The following ELN variants were observed in gnomAD, a reference collection of about 807,000 sequenced individuals.
ELN encodes elastin.
A neutral mutation model predicts 105.8 loss-of-function variants in ELN; 65 were observed. The ratio of observed to expected loss-of-function variants is 0.61; its 90% CI spans 0.50 to 0.75. The LOEUF (loss-of-function observed/expected upper bound fraction) is 0.75, where lower values mean the gene tolerates loss of function less well. ELN is among the 30% of genes least tolerant of loss of function. The pLI, the probability that ELN is intolerant of heterozygous loss-of-function variation, is 0.00. For synonymous variants in ELN, 368 were observed against 389.2 expected, an observed-to-expected ratio of 0.95 and a Z score of 0.64; for missense variants, 882 against 969.4, an observed-to-expected ratio of 0.91 and a Z score of 1.20.
In ELN at chr7:74,041,359, C is replaced by T. The variant is rs1433875639; in HGVS notation, c.232+108C>T. On this transcript the variant is annotated intron_variant, in intron 5 of 32. Transcript: ENST00000252034. ...TGGAACAAGGGTGCAGGCCAGGTTC[C>T]GTCCTGGGCACTGACGGGGACTGAT... 18 of 1,427,800 alleles carry T rather than the reference C, an allele frequency of 1.3e-5. No individual in the cohort carries two copies. The African/African-American group carries it at 2.1e-4, about 17-fold the overall frequency. 88.4% of individuals were successfully genotyped at this position (1,427,800 alleles called of 1,614,324 possible).
chr7:74,047,778 G>C, intron 13 of ELN, 62 bp downstream of exon 13: 2 of 1,611,572 alleles, frequency 1.2e-6, no homozygotes, highest in Non-Finnish European at 1.7e-6. Flanking sequence ...GTCCTAGCAA[G>C]GGTGCTGTGC....
At chr7:74,046,148 A>G in intron 10 of ELN, 40 bp from the exon 11 acceptor site, 1 of 1,614,150 alleles carries the variant, frequency 6.2e-7, no homozygotes, top group Non-Finnish European at 8.5e-7. Context: ...CCCAGTGTCC[A>G]CAGTTCCAGG....
intron 1 of ELN, among the ~76,000 whole-genome samples, chr7:74,033,484 C>T (rs983483539): frequency 2.0e-5 from 3 of 152,258 alleles, no homozygotes; most frequent in Admixed American, 1.3e-4. Flanking sequence ...GGCCCAAGTG[C>T]TCCTTCTCAG....
intron 4 of ELN, 22 bp from the exon 5 acceptor site, chr7:74,041,194 T>G (rs1554668203): frequency 1.9e-6 from 3 of 1,613,818 alleles, no homozygotes; most frequent in Admixed American, 3.3e-5. Flanking sequence ...CCTACACTCC[T>G]GTCTCTGTTT....
intron 4 of ELN, among the ~76,000 whole-genome samples, chr7:74,039,691 C>G (rs542361122): frequency 6.6e-6 from 1 of 152,242 alleles, no homozygotes; most frequent in East Asian, 1.9e-4. Context: ...GAGAGGGGCA[C>G]GGGCATGGAC....
rs193049142 is a variant in ELN, at chr7:74,044,414, C to A, written c.469+494C>A. On this transcript the variant is annotated intron_variant, in intron 9 of 32. Transcript: ENST00000252034. ...ATAAGGTCCCTGGCAGTCCGTCCAT[C>A]CCCTGAAGGTCAACCAGCCTTCCTG... 2.2e-4 allele frequency among the ~76,000 whole-genome samples: 33 copies of A among 152,296 alleles called. No homozygotes were observed. In the South Asian group the frequency reaches 6.0e-3, roughly 28 times the overall value.
intron 15 of ELN, among the ~76,000 whole-genome samples, chr7:74,049,924 TACATCAATC>T (rs1554674994): frequency 1.9e-5 from 1 of 51,826 alleles, no homozygotes; most frequent in Non-Finnish European, 4.0e-5. Flanking sequence ...CATCAATCCA[TACATCAATC>T]CACCCATCCA....
Position 74,037,712 on chromosome 7 carries a change from G to A in ELN, c.169G>A (p.Gly57Arg), listed in dbSNP as rs1790303008. Residue 57 changes from glycine (G) to arginine (R), a missense_variant, in exon 4 of 33, where the codon GGG becomes AGG. Coordinates refer to ENST00000252034, the MANE Select transcript of ELN (RefSeq NM_000501.4). The stretch of plus-strand genomic sequence containing the variant: ...ATCTTCTCTTCCCTCTGCAGCGCTG[G>A]GGCCTGGAGGCAAACCTCTTAAGCC... ...GLGALGGGALGPGGKPLKPVP... is the reference protein window; with the variant it reads ...GLGALGGGALRPGGKPLKPVP... 6.2e-7 allele frequency: 1 copy of A among 1,612,336 alleles called. No homozygotes were observed. The highest frequency in any genetic ancestry group is 8.5e-7 in the Non-Finnish European group (1 of 1,179,340).
At chr7:74,046,521 C>G (rs1259878005) in intron 11 of ELN, 175 bp from the exon 12 acceptor site, 1 of 763,346 alleles carries the variant, frequency 1.3e-6, no homozygotes, top group Admixed American at 2.3e-5. Flanking sequence ...GAGGAAGTGG[C>G]CTGTCACTGG....
chr7:74,043,394 G>C, intron 8 of ELN: 1 of 741,424 alleles, frequency 1.3e-6, no homozygotes, highest in African/African-American at 1.7e-5. Context: ...AGAAAGAGAC[G>C]GGCTCTGTGG....
At chr7:74,060,719 A>C in intron 25 of ELN, 1 of 1,269,848 alleles carries the variant, frequency 7.9e-7, no homozygotes, top group Admixed American at 2.3e-5. Context: ...CTGCCTCCTC[A>C]GTAGAGGGGT....
intron 20 of ELN, 111 bp from the exon 21 acceptor site, chr7:74,056,561 G>A (rs1554679994): frequency 6.2e-7 from 1 of 1,600,940 alleles, no homozygotes; most frequent in East Asian, 2.2e-5. Context: ...AGTTGGGGGA[G>A]AAGAAGGGAG....
rs1231496817 is a variant in ELN, at chr7:74,029,085, CAA to C, written c.82+819_82+820del. On this transcript the variant is annotated intron_variant, in intron 1 of 32. Transcript: ENST00000252034. ...ATATGAAGCTGCTCCTTAGTGTGTG[CAA>C]AAGTCTGCCACCTGACAGACATGTA... 4.6e-5 allele frequency among the ~76,000 whole-genome samples: 7 copies of C among 152,144 alleles called. No individual in the cohort carries two copies. In the South Asian group the frequency reaches 1.5e-3, roughly 32 times the overall value.
chr7:74,060,532 C>G (rs919328704), intron 25 of ELN, 31 bp downstream of exon 25: 2 of 1,614,182 alleles, frequency 1.2e-6, no homozygotes, highest in Non-Finnish European at 1.7e-6. Context: ...CGGAGCCTGT[C>G]CCCTGAGCTC....
At chr7:74,067,449 G>A (rs1374632500) in intron 32 of ELN, among the ~76,000 whole-genome samples, 4 of 151,464 alleles carry the variant, frequency 2.6e-5, no homozygotes, top group African/African-American at 9.7e-5. Context: ...TGTATTTTTA[G>A]TAGAGACGGG....
At position 74,046,784 on chromosome 7, in the gene ELN, G is replaced by A; in HGVS notation, c.643+17G>A. 1.2e-6 allele frequency: 2 copies of A among 1,613,846 alleles called. No individual in the cohort carries two copies. Among genetic ancestry groups the A allele is most frequent in the Non-Finnish European group, 1.7e-6 (2 of 1,179,880 alleles). On this transcript the variant is annotated intron_variant, in intron 12 of 32. Coordinates refer to ENST00000252034, the MANE Select transcript of ELN (RefSeq NM_000501.4). ...AGCTGCCTGGTAAGTCAGAGGGACG[G>A]TTCAAGATGCACCACTCGGCCGGGT... is the stretch of plus-strand genomic sequence containing the variant.
Position 74,066,027 on chromosome 7 carries a change from C to T in ELN, c.2086+30C>T. The stretch of plus-strand genomic sequence containing the variant: ...GGGTGGCCAGCTCTGCTACGTAGTC[C>T]TCAGCTCTGTCCCGATCTAGAGGGG... On this transcript the variant is annotated intron_variant, in intron 31 of 32. Transcript: ENST00000252034. The T allele has an allele frequency of 1.2e-6, 2 of 1,613,996 alleles. 1 individual carries two copies. Among genetic ancestry groups the T allele is most frequent in the South Asian group, 2.2e-5 (2 of 91,082 alleles).
In ELN at chr7:74,060,593, A is replaced by C. The variant is rs782216165; in HGVS notation, c.1747+92A>C. ...AGCACCTCCCCAGCACCCCCTCATC[A>C]CCCAGGGGTGCATAGTAAAATCCTT... is the stretch of plus-strand genomic sequence containing the variant. On this transcript the variant is annotated intron_variant, in intron 25 of 32. Transcript: ENST00000252034. 3.8e-5 allele frequency: 60 copies of C among 1,597,244 alleles called. No homozygotes were observed. The highest frequency in any genetic ancestry group is 1.7e-4 in the Middle Eastern group (1 of 6,060).
chr7:74,060,613 A>G (rs1225342713), intron 25 of ELN, 112 bp downstream of exon 25: 1 of 1,576,876 alleles, frequency 6.3e-7, no homozygotes, highest in African/African-American at 1.4e-5. Context: ...GCATAGTAAA[A>G]TCCTTGTTAG....
Sources: gnomAD v4.1 joint callset for allele counts (sites outside exome capture counted in the v4.1 genomes callset) on GRCh38, gnomAD v4.1.1 for gene constraint, MANE v1.5 for transcripts, NCBI Gene and HGNC (gene_info 2026-07-23, HGNC 2026-07-21) for gene names.